The following TRDN variants were observed in gnomAD, a reference collection of about 807,000 sequenced individuals.
The protein encoded by TRDN is triadin.
In TRDN, 161 loss-of-function variants were observed where a neutral mutation model predicts 149.7. The ratio of observed to expected loss-of-function variants is 1.08; its 90% CI spans 0.95 to 1.23. TRDN has a LOEUF of 1.23. Ranked by LOEUF, TRDN falls within the 50% of genes most tolerant of loss-of-function variation. TRDN has a pLI of 0.00. For missense variants in TRDN, 896 were observed against 823.5 expected (o/e 1.09, Z -1.08); for synonymous variants, 294 against 250.5 (o/e 1.17, Z -1.64).
chr6:123,246,727 G>T (rs993102309), intron 38 of TRDN, among the ~76,000 whole-genome samples: 1 of 151,026 alleles, frequency 6.6e-6, no homozygotes, highest in Admixed American at 6.6e-5. Context: ...CTCTTCCCTA[G>T]CTCATTTTAT....
intron 4 of TRDN, among the ~76,000 whole-genome samples, chr6:123,534,577 G>T (rs998829830): frequency 2.6e-5 from 4 of 152,140 alleles, no homozygotes; most frequent in African/African-American, 7.2e-5. Context: ...TTTTCTCATA[G>T]GGAGGCAATG....
intron 1 of TRDN, among the ~76,000 whole-genome samples, chr6:123,595,543 T>C (rs1783996084): frequency 6.6e-6 from 1 of 152,136 alleles, no homozygotes; most frequent in South Asian, 2.1e-4. Flanking sequence ...TTTATCACAT[T>C]GCAGATCCTG....
At chr6:123,352,412 A>C in intron 21 of TRDN, 127 bp downstream of exon 21, 6 of 1,422,742 alleles carry the variant, frequency 4.2e-6, no homozygotes, top group Non-Finnish European at 5.5e-6. Flanking sequence ...AAAAACATGC[A>C]AGGACAGTGA....
chr6:123,319,662 C>A (rs1562260517), intron 23 of TRDN, among the ~76,000 whole-genome samples: 1 of 151,994 alleles, frequency 6.6e-6, no homozygotes, highest in Non-Finnish European at 1.5e-5. Flanking sequence ...CACAATTATT[C>A]TTGTATAATA....
chr6:123,358,277 C>A (rs953921054), intron 20 of TRDN, among the ~76,000 whole-genome samples: 1 of 152,118 alleles, frequency 6.6e-6, no homozygotes, highest in African/African-American at 2.4e-5. Context: ...ATGTAATGCC[C>A]AGATTAGGGC....
chr6:123,380,711 A>T (rs1781680151), intron 16 of TRDN, among the ~76,000 whole-genome samples: 1 of 62,170 alleles, frequency 1.6e-5, no homozygotes, highest in African/African-American at 9.1e-5. Context: ...AATAAGTTCA[A>T]GGGTTTTTTT....
intron 10 of TRDN, among the ~76,000 whole-genome samples, chr6:123,452,310 A>G (rs1009670268): frequency 6.6e-6 from 1 of 152,066 alleles, no homozygotes; most frequent in Non-Finnish European, 1.5e-5. Flanking sequence ...TCAAACTGTC[A>G]CTATTTGCTG....
intron 13 of TRDN, among the ~76,000 whole-genome samples, chr6:123,389,950 T>TTA (rs1782045122): frequency 6.6e-6 from 1 of 152,188 alleles, no homozygotes; most frequent in Non-Finnish European, 1.5e-5. Flanking sequence ...TGAGTTTGAC[T>TTA]CAACAGACTT....
intron 9 of TRDN, among the ~76,000 whole-genome samples, chr6:123,485,887 GCTTCAA>G (rs1464026934): frequency 6.6e-6 from 1 of 151,698 alleles, no homozygotes; most frequent in Non-Finnish European, 1.5e-5. Context: ...TCATTCCATG[GCTTCAA>G]CCATTTTCTC....
chr6:123,509,329 G>C (rs993098526), intron 7 of TRDN: 1 of 151,936 alleles, frequency 6.6e-6, no homozygotes, highest in Non-Finnish European at 1.5e-5. Context: ...CTTCAATATG[G>C]GTTGCCCTAG....
chr6:123,429,109 G>A (rs1457986885), intron 12 of TRDN: 1 of 152,028 alleles, frequency 6.6e-6, no homozygotes, highest in African/African-American at 2.4e-5. Flanking sequence ...CACTAAAGCA[G>A]TCTACCACCA....
rs201029077 is a variant in TRDN at position 123,283,759 on chromosome 6, GA to G, written c.1511-4678del. ...TCCTAGCTTAAATCAGGAAGAATTA[GA>G]AACCCCCAACAGATCAATAACAAGC... On this transcript the variant is annotated intron_variant, in intron 24 of 40. Transcript: ENST00000334268. 2.9e-3 allele frequency among the ~76,000 whole-genome samples: 437 copies of G among 150,274 alleles called. 3 individuals carry two copies. The highest frequency in any genetic ancestry group is 1.0e-2 in the African/African-American group (408 of 40,992).
intron 12 of TRDN, among the ~76,000 whole-genome samples, chr6:123,411,523 G>A (rs1266635776): frequency 6.6e-6 from 1 of 152,158 alleles, no homozygotes; most frequent in Non-Finnish European, 1.5e-5. Context: ...CTCAGGATGT[G>A]AGAACAAGCT....
chr6:123,259,905 C>T (rs1776703149), intron 34 of TRDN, among the ~76,000 whole-genome samples: 1 of 151,722 alleles, frequency 6.6e-6, no homozygotes, highest in Non-Finnish European at 1.5e-5. Context: ...CCTCTTCCTT[C>T]TTCTTTTCCT....
chr6:123,605,612 A>T lies in TRDN; in HGVS notation c.22+31142T>A, dbSNP rs56091788. 1.4e-3 allele frequency among the ~76,000 whole-genome samples: 205 copies of T among 151,188 alleles called. 1 individual carries two copies. Among genetic ancestry groups the T allele is most frequent in the East Asian group, 2.5e-3 (13 of 5,102 alleles). On this transcript the variant is annotated intron_variant, in intron 1 of 40. Coordinates refer to ENST00000334268, the MANE Select transcript of TRDN (RefSeq NM_006073.4). ...ACCCTCTCTACAAAAAAAAAAAAAA[A>T]ATATTAGCCAAGTGTGGTTGTATAG...
chr6:123,427,696 T>C (rs1320876508), intron 12 of TRDN, among the ~76,000 whole-genome samples: 8 of 152,192 alleles, frequency 5.3e-5, no homozygotes, highest in Non-Finnish European at 8.8e-5. Context: ...ATGGCTTTGA[T>C]GTTCTCTGTT....
chr6:123,441,241 T>G (rs1336232912), intron 10 of TRDN: 1 of 152,176 alleles, frequency 6.6e-6, no homozygotes, highest in East Asian at 1.9e-4. Context: ...GTTTCTTTTA[T>G]GAAAACTTCC....
In TRDN at chr6:123,389,520, G is replaced by T. The variant is rs539998567; in HGVS notation, c.1106-969C>A. 6 of 152,176 alleles carry T rather than the reference G, an allele frequency of 3.9e-5. No individual in the cohort carries two copies. In the South Asian group the frequency reaches 1.2e-3, roughly 32 times the overall value. The allele number at this position is 152,176 out of a possible 1,614,324, so 9.4% of individuals were successfully genotyped here. ...CTTCATCCTGACCTTGTTATAAAAG[G>T]CAGCCCAGAGCAGAAAATGAAGCCT... On this transcript the variant is annotated intron_variant, in intron 13 of 40. Coordinates refer to ENST00000334268, the MANE Select transcript of TRDN (RefSeq NM_006073.4).
chr6:123,352,008 G>A, intron 21 of TRDN: 1 of 977,352 alleles, frequency 1.0e-6, no homozygotes, highest in Non-Finnish European at 1.2e-6. Flanking sequence ...ATACCATTAT[G>A]ATTTATAACA....
Sources: allele counts gnomAD v4.1 joint callset (sites outside exome capture counted in the v4.1 genomes callset), GRCh38; gene constraint gnomAD v4.1.1; transcripts MANE v1.5; gene names NCBI Gene and HGNC (gene_info 2026-07-23, HGNC 2026-07-21).